Variants in KAZN observed in about 807,000 individuals in gnomAD.
The protein encoded by KAZN is kazrin, periplakin interacting protein, also known as kazrin.
A neutral mutation model predicts 87.4 loss-of-function variants in KAZN; 40 were observed. The ratio of observed to expected loss-of-function variants is 0.46; its 90% CI spans 0.36 to 0.60. The LOEUF (loss-of-function observed/expected upper bound fraction) is 0.60, where lower values mean the gene tolerates loss of function less well. Ranked by LOEUF, KAZN falls within the 20% of genes least tolerant of loss-of-function variation. The pLI, the probability that KAZN is intolerant of heterozygous loss-of-function variation, is 0.00. For synonymous variants in KAZN, 466 were observed against 458.3 expected (o/e 1.02, Z -0.22); for missense variants, 898 against 1,073.9 (o/e 0.84, Z 2.29).
chr1:15,102,673 G>A (rs1641119315), intron 11 of KAZN, among the ~76,000 whole-genome samples: 1 of 152,232 alleles, frequency 6.6e-6, no homozygotes, highest in African/African-American at 2.4e-5. Context: ...TCCACTGTGT[G>A]CCTACTGTGA....
chr1:15,035,573 C>A (rs1672177797), intron 3 of KAZN, among the ~76,000 whole-genome samples: 1 of 152,148 alleles, frequency 6.6e-6, no homozygotes, highest in South Asian at 2.1e-4. Flanking sequence ...CCTGGCCAGG[C>A]ACGGTGGCTC....
At chr1:14,728,289 T>TAAA (rs55745144) in intron 1 of KAZN, among the ~76,000 whole-genome samples, 31 of 29,802 alleles carry the variant, frequency 1.0e-3, no homozygotes, top group Non-Finnish European at 1.5e-3. Flanking sequence ...ACCGTATATA[T>TAAA]AAAAAAAAAA....
At chr1:13,934,035 C>T (rs554026777) in intron 1 of KAZN, among the ~76,000 whole-genome samples, 2 of 152,292 alleles carry the variant, frequency 1.3e-5, no homozygotes, top group East Asian at 3.9e-4. Flanking sequence ...AATACCTCCA[C>T]GCCTTTGAAT....
At chr1:14,173,721 C>G (rs1357287404) in intron 1 of KAZN, among the ~76,000 whole-genome samples, 1 of 135,080 alleles carries the variant, frequency 7.4e-6, no homozygotes, top group Non-Finnish European at 1.6e-5. Flanking sequence ...ATCAAATTGT[C>G]CTGAGATTAA....
chr1:14,722,263 G>A (rs926553282), intron 1 of KAZN, among the ~76,000 whole-genome samples: 1 of 152,206 alleles, frequency 6.6e-6, no homozygotes, highest in Non-Finnish European at 1.5e-5. Flanking sequence ...GTTTTAGTAT[G>A]TGATGATCCA....
intron 2 of KAZN, among the ~76,000 whole-genome samples, chr1:14,586,577 C>T (rs115832544): frequency 1.3e-3 from 184 of 138,382 alleles, no homozygotes; most frequent in African/African-American, 4.9e-3. Context: ...TGCTCAGGTG[C>T]TGGAGTGCGG....
chr1:14,781,155 TACTAAAA>T (rs1376322053), intron 1 of KAZN, among the ~76,000 whole-genome samples: 5 of 152,218 alleles, frequency 3.3e-5, no homozygotes, highest in Admixed American at 3.3e-4. Context: ...ACCCCGTCTC[TACTAAAA>T]ATACAAAAAA....
At chr1:14,067,778 C>T (rs1166107040) in intron 1 of KAZN, among the ~76,000 whole-genome samples, 2 of 152,202 alleles carry the variant, frequency 1.3e-5, no homozygotes, top group African/African-American at 2.4e-5. Flanking sequence ...GGGGCAACCA[C>T]AGCTGATCCA....
intron 2 of KAZN, among the ~76,000 whole-genome samples, chr1:14,560,706 G>C (rs1416477602): frequency 6.6e-6 from 1 of 152,102 alleles, no homozygotes; most frequent in African/African-American, 2.4e-5. Flanking sequence ...TGGTGGTGGT[G>C]ATGATGATGA....
At chr1:14,636,107 G>C (rs922840227) in intron 1 of KAZN, among the ~76,000 whole-genome samples, 5 of 152,208 alleles carry the variant, frequency 3.3e-5, no homozygotes, top group Non-Finnish European at 7.3e-5. Context: ...GAGTTGAAGA[G>C]AGGGTGTCAG....
chr1:14,716,197 A>T (rs1175695161), intron 1 of KAZN, among the ~76,000 whole-genome samples: 1 of 152,116 alleles, frequency 6.6e-6, no homozygotes, highest in African/African-American at 2.4e-5. Flanking sequence ...GTGTGTGTGC[A>T]TTGGAAGGGC....
intron 1 of KAZN, among the ~76,000 whole-genome samples, chr1:13,979,401 G>T (rs1474804760): frequency 6.6e-6 from 1 of 152,062 alleles, no homozygotes; most frequent in Admixed American, 6.6e-5. Flanking sequence ...GTCAGTGAAA[G>T]AAAATAAATG....
intron 2 of KAZN, among the ~76,000 whole-genome samples, chr1:14,464,957 C>A (rs988827344): frequency 6.9e-6 from 1 of 145,562 alleles, no homozygotes; most frequent in Non-Finnish European, 1.5e-5. Flanking sequence ...CTTCACATAA[C>A]CAGTGTTTAT....
At chr1:14,216,462 A>G (rs920959822) in intron 2 of KAZN, among the ~76,000 whole-genome samples, 4 of 152,204 alleles carry the variant, frequency 2.6e-5, no homozygotes, top group Non-Finnish European at 5.9e-5. Flanking sequence ...GAAGGTAAAG[A>G]TAAAAGTGGA....
intron 14 of KAZN, 75 bp from the exon 15 acceptor site, chr1:15,114,396 G>C: frequency 8.2e-7 from 1 of 1,225,844 alleles, no homozygotes; most frequent in Non-Finnish European, 1.2e-6. Flanking sequence ...TAGAATTGGA[G>C]ACATTTCCCA....
chr1:15,007,544 G>T (rs1052425407), intron 2 of KAZN, among the ~76,000 whole-genome samples: 17 of 152,336 alleles, frequency 1.1e-4, no homozygotes, highest in African/African-American at 3.8e-4. Context: ...CAGGGAGCAG[G>T]AGGAGGTCCC....
intron 2 of KAZN, among the ~76,000 whole-genome samples, chr1:14,256,871 G>A (rs1470359957): frequency 6.6e-6 from 1 of 152,162 alleles, no homozygotes; most frequent in Non-Finnish European, 1.5e-5. Flanking sequence ...TCATTCAGTT[G>A]CAAGATCTGT....
chr1:14,125,447 T>C (rs1644843838), intron 1 of KAZN, among the ~76,000 whole-genome samples: 1 of 152,116 alleles, frequency 6.6e-6, no homozygotes, highest in Non-Finnish European at 1.5e-5. Flanking sequence ...GAAATCACCC[T>C]GGATCGTCCA....
intron 2 of KAZN, among the ~76,000 whole-genome samples, chr1:14,291,854 T>C (rs1653723919): frequency 6.6e-6 from 1 of 152,182 alleles, no homozygotes; most frequent in Non-Finnish European, 1.5e-5. Flanking sequence ...ATAAGGGGCT[T>C]TTCCCCCTGT....
Sources: gnomAD v4.1 joint callset for allele counts (sites outside exome capture counted in the v4.1 genomes callset) on GRCh38, gnomAD v4.1.1 for gene constraint, MANE v1.5 for transcripts, NCBI Gene and HGNC (gene_info 2026-07-23, HGNC 2026-07-21) for gene names.